The following TAFA2 variants were observed in gnomAD, a reference collection of about 807,000 sequenced individuals.
The protein encoded by TAFA2 is chemokine-like protein TAFA-2.
Under a neutral mutation model 18.8 loss-of-function variants are expected in TAFA2, and 7 were observed. The observed-to-expected ratio is 0.37, with a 90% CI of 0.21 to 0.70. The LOEUF is 0.70. Among genes scored for constraint, TAFA2 ranks in the 30% least tolerant of loss-of-function variants. The pLI, the probability that TAFA2 is intolerant of heterozygous loss-of-function variation, is 0.53. For missense variants in TAFA2, 122 were observed against 158.1 expected, an observed-to-expected ratio of 0.77 and a Z score of 1.23; for synonymous variants, 60 against 54.2, an observed-to-expected ratio of 1.11 and a Z score of -0.47.
At position 61,986,158 on chromosome 12, in the gene TAFA2, C is replaced by CTTT. The variant is rs551223452; in HGVS notation, c.-1-118735_-1-118733dup. Among the ~76,000 whole-genome samples the CTTT allele has an allele frequency of 7.1e-3, 465 of 65,842 alleles. 118 individuals carry two copies. The highest frequency in any genetic ancestry group is 0.021 in the African/African-American group (337 of 15,698). 43.2% of individuals were successfully genotyped at this position (65,842 alleles called of 152,430 possible). ...CTAGACATAGACAATCTAAGCTCTTCTTTTTTTTTTTTTTTTTTTTTTTTT... is the reference window on the plus strand; with the variant it reads ...CTAGACATAGACAATCTAAGCTCTTCTTTTTTTTTTTTTTTTTTTTTTTTTTTT... On this transcript the variant is annotated intron_variant, in intron 1 of 4. Coordinates refer to ENST00000416284, the MANE Select transcript of TAFA2 (RefSeq NM_178539.5).
chr12:61,755,106 T>TA (rs952978277), intron 2 of TAFA2, 82 bp from the exon 3 acceptor site: 79 of 1,333,112 alleles, frequency 5.9e-5, no homozygotes, highest in Non-Finnish European at 7.7e-5. Flanking sequence ...AGCAGTACAT[T>TA]AAATATAGCT....
intron 1 of TAFA2, among the ~76,000 whole-genome samples, chr12:61,892,577 C>G (rs1875682790): frequency 6.6e-6 from 1 of 152,190 alleles, no homozygotes; most frequent in Non-Finnish European, 1.5e-5. Context: ...TGGCTCATGC[C>G]TATAATCTCA....
At chr12:61,829,814 A>G (rs536609160) in intron 2 of TAFA2, among the ~76,000 whole-genome samples, 13 of 151,850 alleles carry the variant, frequency 8.6e-5, no homozygotes, top group African/African-American at 2.6e-4. Context: ...TTTATTTCAA[A>G]TCATCTTTAG....
rs968359745 is a variant in TAFA2 at position 62,000,294 on chromosome 12, A to G, written c.-1-132868T>C. 3.7e-5 allele frequency among the ~76,000 whole-genome samples: 5 copies of G among 136,564 alleles called. 1 individual carries two copies. Among genetic ancestry groups the G allele is most frequent in the Non-Finnish European group, 4.8e-5 (3 of 62,114 alleles). 89.6% of individuals were successfully genotyped at this position (136,564 alleles called of 152,430 possible). ...TAAGAGGAGCTCAAAGAAAGAAACC[A>G]CATCATATGTTTTTCTTAATTCCCT... On this transcript the variant is annotated intron_variant, in intron 1 of 4. Coordinates refer to ENST00000416284, the MANE Select transcript of TAFA2 (RefSeq NM_178539.5).
At chr12:61,933,404 A>T (rs775894012) in intron 1 of TAFA2, among the ~76,000 whole-genome samples, 1 of 152,160 alleles carries the variant, frequency 6.6e-6, no homozygotes. Flanking sequence ...CAGAACTCGA[A>T]ACCAGGGCTA....
At chr12:61,886,989 T>C (rs923848408) in intron 1 of TAFA2, among the ~76,000 whole-genome samples, 2 of 152,208 alleles carry the variant, frequency 1.3e-5, no homozygotes, top group African/African-American at 2.4e-5. Flanking sequence ...AAAATCATAA[T>C]GCTTTCTCAA....
intron 1 of TAFA2, among the ~76,000 whole-genome samples, chr12:62,030,596 T>C (rs547709921): frequency 1.3e-5 from 2 of 152,136 alleles, no homozygotes; most frequent in Non-Finnish European, 2.9e-5. Context: ...CAGCCACCTC[T>C]TGTCAGGCTT....
At chr12:62,189,371 T>C (rs931254416) in intron 1 of TAFA2, among the ~76,000 whole-genome samples, 24 of 152,284 alleles carry the variant, frequency 1.6e-4, no homozygotes, top group Non-Finnish European at 1.2e-4. Flanking sequence ...ATTTATAAGC[T>C]CCAGTGTGGT....
intron 1 of TAFA2, among the ~76,000 whole-genome samples, chr12:62,004,756 T>C (rs1180342559): frequency 6.6e-6 from 1 of 152,092 alleles, no homozygotes; most frequent in Non-Finnish European, 1.5e-5. Context: ...TTATTCATAA[T>C]AGTCGAGATA....
chr12:62,024,621 T>C (rs1881255317), intron 1 of TAFA2, among the ~76,000 whole-genome samples: 1 of 152,142 alleles, frequency 6.6e-6, no homozygotes, highest in African/African-American at 2.4e-5. Flanking sequence ...TCAATGCTAA[T>C]TAAGCTAAAG....
intron 1 of TAFA2, among the ~76,000 whole-genome samples, chr12:62,103,238 G>C (rs1477437828): frequency 1.3e-5 from 2 of 152,174 alleles, no homozygotes; most frequent in Non-Finnish European, 2.9e-5. Context: ...CAGAACTTCT[G>C]GCATTCACCT....
At chr12:61,895,639 T>C (rs1006770228) in intron 1 of TAFA2, among the ~76,000 whole-genome samples, 2 of 152,196 alleles carry the variant, frequency 1.3e-5, no homozygotes. Context: ...ACAGTTCAGA[T>C]GTTTGGCAAT....
chr12:62,165,068 C>A (rs150993578), intron 1 of TAFA2, among the ~76,000 whole-genome samples: 78 of 152,084 alleles, frequency 5.1e-4, no homozygotes, highest in African/African-American at 1.9e-3. Flanking sequence ...ATCATTTTTT[C>A]AATTATGCTG....
At chr12:62,019,688 G>GA (rs1881061776) in intron 1 of TAFA2, among the ~76,000 whole-genome samples, 1 of 149,926 alleles carries the variant, frequency 6.7e-6, no homozygotes, top group African/African-American at 2.5e-5. Context: ...GGGGAGGGAG[G>GA]GGGATAGCAT....
At chr12:62,209,548 G>A (rs1221807451) in intron 1 of TAFA2, among the ~76,000 whole-genome samples, 3 of 152,194 alleles carry the variant, frequency 2.0e-5, no homozygotes, top group Non-Finnish European at 2.9e-5. Flanking sequence ...TACAAACCAT[G>A]GTGAAAGTCA....
intron 1 of TAFA2, among the ~76,000 whole-genome samples, chr12:61,897,246 G>A (rs74098457): frequency 6.6e-6 from 1 of 152,102 alleles, no homozygotes; most frequent in Non-Finnish European, 1.5e-5. Flanking sequence ...CATCCTTAAT[G>A]AATGTATTAT....
chr12:61,892,472 G>C (rs913078648), intron 1 of TAFA2, among the ~76,000 whole-genome samples: 2 of 152,188 alleles, frequency 1.3e-5, no homozygotes, highest in African/African-American at 4.8e-5. Flanking sequence ...AGTCAAGTTT[G>C]AATTTCCAAA....
chr12:62,046,338 A>T lies in TAFA2; in HGVS notation c.-2+144921T>A, dbSNP rs932168832. On this transcript the variant is annotated intron_variant, in intron 1 of 4. Transcript: ENST00000416284. ...TCAGAAACAAAGATTAAAGGAAAAAAAGATACCATAAAAGCTAAAACTTCT... is the reference window on the plus strand; with the variant it reads ...TCAGAAACAAAGATTAAAGGAAAAATAGATACCATAAAAGCTAAAACTTCT... 1.3e-4 allele frequency among the ~76,000 whole-genome samples: 20 copies of T among 152,244 alleles called. No individual in the cohort carries two copies. In the South Asian group the frequency reaches 1.9e-3, roughly 14 times the overall value.
chr12:62,018,393 A>G (rs1413307969), intron 1 of TAFA2, among the ~76,000 whole-genome samples: 1 of 152,166 alleles, frequency 6.6e-6, no homozygotes, highest in Non-Finnish European at 1.5e-5. Flanking sequence ...TTCACACAAA[A>G]TCAAGCAAAG....
Sources: gnomAD v4.1 joint callset for allele counts (sites outside exome capture counted in the v4.1 genomes callset) on GRCh38, gnomAD v4.1.1 for gene constraint, MANE v1.5 for transcripts, NCBI Gene and HGNC (gene_info 2026-07-23, HGNC 2026-07-21) for gene names.